The following NMT1 variants were observed in gnomAD, a reference collection of about 807,000 sequenced individuals.
NMT1 encodes N-myristoyltransferase 1.
Under a neutral mutation model 63.4 loss-of-function variants are expected in NMT1, and 12 were observed. The observed-to-expected ratio is 0.19, with a 90% CI of 0.12 to 0.31. NMT1 has a LOEUF of 0.31. Ranked by LOEUF, NMT1 falls within the 10% of genes least tolerant of loss-of-function variation. The pLI, the probability that NMT1 is intolerant of heterozygous loss-of-function variation, is 1.00. For missense variants in NMT1, 432 were observed against 634.6 expected (o/e 0.68, Z 3.43); for synonymous variants, 228 against 234.3 (o/e 0.97, Z 0.25).
chr17:45,076,232 A>C (rs1338451227), intron 1 of NMT1, among the ~76,000 whole-genome samples: 1 of 152,048 alleles, frequency 6.6e-6, no homozygotes, highest in Non-Finnish European at 1.5e-5. Flanking sequence ...TGCTTTTTGA[A>C]GTTCTACTCT....
At chr17:45,088,177 A>G (rs1296217901) in intron 3 of NMT1, among the ~76,000 whole-genome samples, 1 of 152,154 alleles carries the variant, frequency 6.6e-6, no homozygotes, top group Non-Finnish European at 1.5e-5. Context: ...GGCTGCCCTC[A>G]TCGGCCAGGT....
At chr17:45,071,605 G>A (rs1251721506) in intron 1 of NMT1, 1 of 152,118 alleles carries the variant, frequency 6.6e-6, no homozygotes, top group Non-Finnish European at 1.5e-5. Context: ...AAAGAAAAGT[G>A]GCCAAATTTG....
At chr17:45,101,077 G>A (rs1275038377) in intron 8 of NMT1, among the ~76,000 whole-genome samples, 10 of 151,116 alleles carry the variant, frequency 6.6e-5, no homozygotes, top group South Asian at 2.1e-4. Context: ...CCAGCTACTC[G>A]GGAGGCTGAG....
chr17:45,061,534 CG>C, intron 1 of NMT1, 74 bp downstream of exon 1: 1 of 1,405,842 alleles, frequency 7.1e-7, no homozygotes, highest in Non-Finnish European at 9.8e-7. Context: ...GGGAAGTCAC[CG>C]GGAGCTTAGT....
intron 3 of NMT1, among the ~76,000 whole-genome samples, chr17:45,092,472 T>C (rs933004130): frequency 6.7e-6 from 1 of 150,078 alleles, no homozygotes; most frequent in Non-Finnish European, 1.5e-5. Flanking sequence ...CCGAGGCGGG[T>C]GGATCACTTG....
At chr17:45,083,695 C>T (rs771118685) in intron 2 of NMT1, 10 of 152,180 alleles carry the variant, frequency 6.6e-5, no homozygotes, top group Admixed American at 3.3e-4. Flanking sequence ...TGACCGCAGC[C>T]TCAACCTCCT....
chr17:45,069,273 ATTATTTATTTATTTAT>A (rs1555604551), intron 1 of NMT1, among the ~76,000 whole-genome samples: 2 of 137,676 alleles, frequency 1.5e-5, no homozygotes, highest in African/African-American at 5.3e-5. Context: ...TTTATTTTTT[ATTATTTATTTATTTAT>A]TTATTTATTT....
chr17:45,104,905 C>T lies in NMT1; in HGVS notation c.1379C>T (p.Thr460Ile). The change falls in exon 11 of 12, where the codon ACC (threonine) becomes ATC (isoleucine). Residue 460 changes from threonine to isoleucine, a missense_variant. This residue lies in a region of NMT1 where 295 missense variants were observed against 489.7 expected (regional missense o/e 0.60). Transcript: ENST00000258960. This position sits in a 1 kb window ranked among gnomAD's most constrained non-coding sequence, Gnocchi z 4.2. ...GCACTGGATCTCATGGAGAACAAAACCTTCCTGGAGAAGCTCAAGTTTGGC... is the reference window on the plus strand; with the variant it reads ...GCACTGGATCTCATGGAGAACAAAATCTTCCTGGAGAAGCTCAAGTTTGGC... ...FNALDLMENK[T>I]FLEKLKFGIG... is the part of the protein sequence containing the mutation. The T allele has an allele frequency of 6.2e-7, 1 of 1,614,212 alleles. No individual in the cohort carries two copies. Among genetic ancestry groups the T allele is most frequent in the Non-Finnish European group, 8.5e-7 (1 of 1,180,024 alleles).
chr17:45,064,678 C>T (rs1430797318), intron 1 of NMT1, among the ~76,000 whole-genome samples: 3 of 152,118 alleles, frequency 2.0e-5, no homozygotes, highest in Non-Finnish European at 2.9e-5. Context: ...CAAAAATTAG[C>T]TGGGCATGAT....
At chr17:45,064,622 A>G (rs1311116949) in intron 1 of NMT1, among the ~76,000 whole-genome samples, 1 of 152,210 alleles carries the variant, frequency 6.6e-6, no homozygotes, top group Non-Finnish European at 1.5e-5. Context: ...CAGGAGTTTG[A>G]GACCAGCCTG....
Position 45,093,701 on chromosome 17 carries a change from C to A in NMT1, c.402C>A (p.Thr134=), listed in dbSNP as rs766241230. ...TTCTTTCAGGCGAAGTGGTGAACAC[C>A]CATGGCCCCGTGGAGCCTGACAAGG... The part of the protein sequence containing the change: ...PVPKLGEVVN[T]HGPVEPDKDN... The change falls in exon 4 of 12, where the codon ACC becomes ACA. Residue 134 remains threonine, a synonymous_variant. Transcript: ENST00000258960. 6.2e-7 allele frequency: 1 copy of A among 1,614,172 alleles called. No homozygotes were observed. The highest frequency in any genetic ancestry group is 8.5e-7 in the Non-Finnish European group (1 of 1,180,004).
At chr17:45,078,953 A>G (rs1175862468) in intron 1 of NMT1, among the ~76,000 whole-genome samples, 1 of 151,986 alleles carries the variant, frequency 6.6e-6, no homozygotes, top group Non-Finnish European at 1.5e-5. Flanking sequence ...ATGACCCACC[A>G]TGCTGGACCT....
chr17:45,083,918 T>C (rs1490369751), intron 2 of NMT1, among the ~76,000 whole-genome samples: 1 of 152,230 alleles, frequency 6.6e-6, no homozygotes, highest in African/African-American at 2.4e-5. Context: ...GCCGAGAATT[T>C]ATTTAATAAA....
In NMT1 at chr17:45,107,106, T is replaced by C. The variant is rs553041259; in HGVS notation, c.*1467T>C. 2 of 152,372 alleles carry C rather than the reference T, an allele frequency of 1.3e-5. No individual in the cohort carries two copies. Among genetic ancestry groups the C allele is most frequent in the South Asian group, 4.1e-4 (2 of 4,824 alleles). The allele number at this position is 152,372 out of a possible 1,614,324, so 9.4% of individuals were successfully genotyped here. ...CTTGCTGCCGTCACCTCTCCGCTCA[T>C]ACAGGAATGAAGCCTTAGCCAGGAG... On this transcript the variant is annotated 3_prime_UTR_variant, in exon 12 of 12. Coordinates refer to ENST00000258960, the MANE Select transcript of NMT1 (RefSeq NM_021079.5).
At chr17:45,101,617 C>CAAAAAAAAA (rs748973404) in intron 8 of NMT1, among the ~76,000 whole-genome samples, 1 of 53,362 alleles carries the variant, frequency 1.9e-5, no homozygotes, top group Admixed American at 2.4e-4. Context: ...GACTCCGTCG[C>CAAAAAAAAA]AAAAAAAAAA....
chr17:45,092,147 C>G (rs766106642), intron 3 of NMT1, among the ~76,000 whole-genome samples: 9 of 152,204 alleles, frequency 5.9e-5, no homozygotes, highest in Non-Finnish European at 1.2e-4. Context: ...TTTCCAGATC[C>G]TGACCTGCAG....
intron 1 of NMT1, among the ~76,000 whole-genome samples, chr17:45,080,693 TCTC>T (rs1198235500): frequency 1.3e-5 from 2 of 151,382 alleles, no homozygotes; most frequent in Non-Finnish European, 2.9e-5. Flanking sequence ...ATGGTCTTGA[TCTC>T]CTGACCTCAT....
At chr17:45,096,380 C>T (rs138323481) in intron 5 of NMT1, 95 bp downstream of exon 5, 2 of 931,164 alleles carry the variant, frequency 2.1e-6, no homozygotes, top group East Asian at 2.4e-5. Context: ...CAGGGGCCAA[C>T]CTTTGAATGG....
rs1012544406 is a variant in NMT1 at position 45,069,527 on chromosome 17, G to T, written c.131+8067G>T. 2.0e-5 allele frequency among the ~76,000 whole-genome samples: 3 copies of T among 151,784 alleles called. No homozygotes were observed. The South Asian group carries it at 6.2e-4, about 32-fold the overall frequency. On this transcript the variant is annotated intron_variant, in intron 1 of 11. Transcript: ENST00000258960. The stretch of plus-strand genomic sequence containing the variant: ...GGCTGGTCTTGGAACTCCTAATCTC[G>T]TGATCTGCCCACCTCAGCCTCCCAA...
Sources: gnomAD v4.1 joint callset for allele counts (sites outside exome capture counted in the v4.1 genomes callset) on GRCh38, gnomAD v4.1.1 for gene constraint, gnomAD v4.1.1 regional missense constraint, Gnocchi (gnomAD v3.1) non-coding constraint, MANE v1.5 for transcripts, NCBI Gene and HGNC (gene_info 2026-07-23, HGNC 2026-07-21) for gene names.